The following GRIN2B variants were observed in gnomAD, a reference collection of about 807,000 sequenced individuals.
The protein encoded by GRIN2B is glutamate receptor ionotropic, NMDA 2B.
In GRIN2B, 5 loss-of-function variants were observed where a neutral mutation model predicts 114.5. The ratio of observed to expected loss-of-function variants is 0.04; its 90% CI spans 0.02 to 0.09. GRIN2B has a LOEUF of 0.09. GRIN2B is among the 10% of genes least tolerant of loss of function. GRIN2B has a pLI of 1.00. For missense variants in GRIN2B, 1,108 were observed against 1,943.5 expected (o/e 0.57, Z 8.08); for synonymous variants, 787 against 745.1 (o/e 1.06, Z -0.92).
chr12:13,968,967 A>G (rs1867834835), intron 2 of GRIN2B, among the ~76,000 whole-genome samples: 1 of 152,238 alleles, frequency 6.6e-6, no homozygotes, highest in African/African-American at 2.4e-5. Context: ...AGAGAGAAGT[A>G]GATTGTTCCT....
intron 10 of GRIN2B, among the ~76,000 whole-genome samples, chr12:13,605,537 T>A (rs1317306136): frequency 3.0e-5 from 2 of 67,046 alleles, no homozygotes; most frequent in Non-Finnish European, 6.0e-5. Flanking sequence ...TCTCTCTCTC[T>A]CTCTCTCTCT....
At chr12:13,810,061 C>A (rs1474055167) in intron 3 of GRIN2B, among the ~76,000 whole-genome samples, 1 of 152,126 alleles carries the variant, frequency 6.6e-6, no homozygotes, top group Non-Finnish European at 1.5e-5. Flanking sequence ...TTCTTTCCTA[C>A]CCTCCGGGTT....
chr12:13,633,017 T>C (rs1021009025), intron 5 of GRIN2B, among the ~76,000 whole-genome samples: 1 of 152,186 alleles, frequency 6.6e-6, no homozygotes, highest in Non-Finnish European at 1.5e-5. Flanking sequence ...TGTGGGTCCC[T>C]GCTGTCAGGT....
chr12:13,766,863 A>G (rs1001446630), intron 3 of GRIN2B, among the ~76,000 whole-genome samples: 2 of 152,162 alleles, frequency 1.3e-5, no homozygotes, highest in African/African-American at 4.8e-5. Flanking sequence ...GACAGTTTTA[A>G]TAATTATACA....
chr12:13,785,614 C>T (rs1444295811), intron 3 of GRIN2B, among the ~76,000 whole-genome samples: 1 of 152,172 alleles, frequency 6.6e-6, no homozygotes, highest in Non-Finnish European at 1.5e-5. Context: ...AAAAAGGTAT[C>T]CTAATTCTCC....
intron 4 of GRIN2B, among the ~76,000 whole-genome samples, chr12:13,730,628 TAGTG>T: frequency 6.6e-6 from 1 of 152,254 alleles, no homozygotes; most frequent in South Asian, 2.1e-4. Flanking sequence ...TTGTAGGCGA[TAGTG>T]AGTGTTAAGT....
chr12:13,660,358 T>C (rs762195895), intron 5 of GRIN2B, among the ~76,000 whole-genome samples: 16 of 152,170 alleles, frequency 1.1e-4, no homozygotes, highest in Non-Finnish European at 2.1e-4. Context: ...AAGGGTACAT[T>C]TCTTGAGAAC....
chr12:13,661,318 C>A (rs1487026333), intron 5 of GRIN2B, among the ~76,000 whole-genome samples: 2 of 152,146 alleles, frequency 1.3e-5, no homozygotes, highest in Non-Finnish European at 2.9e-5. Flanking sequence ...CATTAAAAGT[C>A]GATATTTCTG....
intron 3 of GRIN2B, among the ~76,000 whole-genome samples, chr12:13,808,752 A>AT (rs1491182910): frequency 0.037 from 4,106 of 109,842 alleles, 118 homozygotes; most frequent in East Asian, 0.079. Flanking sequence ...ATAAAAAAAA[A>AT]ATATATATAT....
rs971026473 is a variant in GRIN2B at position 13,882,272 on chromosome 12, G to T, written c.-18-16046C>A. On this transcript the variant is annotated intron_variant, in intron 2 of 13. Coordinates refer to ENST00000609686, the MANE Select transcript of GRIN2B (RefSeq NM_000834.5). ...GCTTTCCCAAGAGATCTGTCCTTTGGACAAAATGGAACTCTGGCAGAGGAC... is the reference window on the plus strand; with the variant it reads ...GCTTTCCCAAGAGATCTGTCCTTTGTACAAAATGGAACTCTGGCAGAGGAC... Among the ~76,000 whole-genome samples the T allele has an allele frequency of 5.3e-5, 8 of 152,290 alleles. No homozygotes were observed. The South Asian group carries it at 1.0e-3, about 20-fold the overall frequency.
intron 4 of GRIN2B, among the ~76,000 whole-genome samples, chr12:13,725,295 A>C (rs1862960601): frequency 6.6e-6 from 1 of 152,144 alleles, no homozygotes; most frequent in Non-Finnish European, 1.5e-5. Context: ...GAATGAGAGG[A>C]AAGAAAGGGG....
At chr12:13,932,672 T>G (rs1867055099) in intron 2 of GRIN2B, among the ~76,000 whole-genome samples, 1 of 152,202 alleles carries the variant, frequency 6.6e-6, no homozygotes, top group Non-Finnish European at 1.5e-5. Flanking sequence ...AAGCTTGTAC[T>G]GGAAAGACTA....
At chr12:13,872,125 G>T (rs1865920366) in intron 2 of GRIN2B, among the ~76,000 whole-genome samples, 2 of 151,960 alleles carry the variant, frequency 1.3e-5, no homozygotes, top group South Asian at 4.1e-4. Flanking sequence ...AAGACGGAAA[G>T]CTTGATTCTA....
intron 5 of GRIN2B, among the ~76,000 whole-genome samples, chr12:13,645,796 TG>T (rs2136511717): frequency 6.6e-6 from 1 of 152,246 alleles, no homozygotes; most frequent in Non-Finnish European, 1.5e-5. Context: ...GCATTTCTCC[TG>T]TCCAATTCAC....
intron 5 of GRIN2B, among the ~76,000 whole-genome samples, chr12:13,633,677 C>T (rs1034316258): frequency 1.3e-5 from 2 of 152,204 alleles, no homozygotes; most frequent in Non-Finnish European, 2.9e-5. Context: ...GTTTCATTTG[C>T]TCCTACCTGG....
At chr12:13,878,110 C>T (rs1380344980) in intron 2 of GRIN2B, among the ~76,000 whole-genome samples, 2 of 151,706 alleles carry the variant, frequency 1.3e-5, no homozygotes, top group African/African-American at 2.4e-5. Context: ...CTCCGCTCTG[C>T]GCTAAGCCCT....
At chr12:13,923,946 C>T (rs1866869887) in intron 2 of GRIN2B, among the ~76,000 whole-genome samples, 1 of 152,162 alleles carries the variant, frequency 6.6e-6, no homozygotes, top group African/African-American at 2.4e-5. Flanking sequence ...CCAACAATAA[C>T]TAACAAGGCC....
chr12:13,662,725 G>A (rs927092030), intron 5 of GRIN2B, among the ~76,000 whole-genome samples: 2 of 152,144 alleles, frequency 1.3e-5, no homozygotes, highest in African/African-American at 4.8e-5. Flanking sequence ...CCTCGTGTCA[G>A]GGAATGTCTT....
intron 3 of GRIN2B, among the ~76,000 whole-genome samples, chr12:13,832,271 A>C (rs1417269422): frequency 6.6e-6 from 1 of 152,254 alleles, no homozygotes; most frequent in Non-Finnish European, 1.5e-5. Flanking sequence ...GCTACTTTTC[A>C]TTCAGATATA....
Sources: gnomAD v4.1 joint callset for allele counts (sites outside exome capture counted in the v4.1 genomes callset) on GRCh38, gnomAD v4.1.1 for gene constraint, MANE v1.5 for transcripts, NCBI Gene and HGNC (gene_info 2026-07-23, HGNC 2026-07-21) for gene names.